ARB2A: variants seen among roughly 807,000 people sequenced by gnomAD.
The protein encoded by ARB2A is ARB2 cotranscriptional regulator A, also known as cotranscriptional regulator ARB2A.
the ARB2A span, among the ~76,000 whole-genome samples, chr5:93,850,004 C>G: frequency 1.3e-5 from 2 of 152,110 alleles, no homozygotes; most frequent in South Asian, 4.1e-4. Context: ...CCTGAGCAGT[C>G]GTTACAATTA....
chr5:93,854,437 T>C, the ARB2A span, among the ~76,000 whole-genome samples: 1 of 152,204 alleles, frequency 6.6e-6, no homozygotes, highest in African/African-American at 2.4e-5. Flanking sequence ...TTGAAGGGTT[T>C]TTTGTGTCTC....
chr5:93,894,424 G>T, the ARB2A span, among the ~76,000 whole-genome samples: 1 of 151,778 alleles, frequency 6.6e-6, no homozygotes, highest in Non-Finnish European at 1.5e-5. Flanking sequence ...AAAAAAGAGA[G>T]AATTGCCCAA....
At chr5:94,012,021 G>A in the ARB2A span, among the ~76,000 whole-genome samples, 2 of 149,844 alleles carry the variant, frequency 1.3e-5, no homozygotes, top group Non-Finnish European at 3.0e-5. Flanking sequence ...AGAGACTAGT[G>A]TGACATGACA....
the ARB2A span, among the ~76,000 whole-genome samples, chr5:93,684,169 G>A: frequency 6.6e-6 from 1 of 152,100 alleles, no homozygotes; most frequent in Non-Finnish European, 1.5e-5. Context: ...TAAATAAATG[G>A]GTAGCTGGAA....
the ARB2A span, among the ~76,000 whole-genome samples, chr5:93,824,962 T>C: frequency 6.6e-6 from 1 of 152,250 alleles, no homozygotes; most frequent in Non-Finnish European, 1.5e-5. Flanking sequence ...CCTTTGATCT[T>C]GACCAGTCAG....
At chr5:93,864,077 C>T in the ARB2A span, among the ~76,000 whole-genome samples, 1 of 152,068 alleles carries the variant, frequency 6.6e-6, no homozygotes, top group African/African-American at 2.4e-5. Flanking sequence ...AATAGTATCA[C>T]AAGCAATTAA....
the ARB2A span, among the ~76,000 whole-genome samples, chr5:94,080,777 T>A: frequency 6.6e-6 from 1 of 152,208 alleles, no homozygotes; most frequent in Non-Finnish European, 1.5e-5. Flanking sequence ...CAGGTCTCCA[T>A]GTAAATTCAA....
the ARB2A span, among the ~76,000 whole-genome samples, chr5:93,848,177 G>C: frequency 1.3e-5 from 2 of 152,140 alleles, no homozygotes; most frequent in Admixed American, 6.5e-5. Flanking sequence ...AAGGTCAAGA[G>C]ATTGAGACCA....
the ARB2A span, among the ~76,000 whole-genome samples, chr5:93,829,702 TA>T: frequency 6.6e-6 from 1 of 152,148 alleles, no homozygotes; most frequent in South Asian, 2.1e-4. Flanking sequence ...CATTTCTTAG[TA>T]ACATAAATAT....
At chr5:94,107,983 C>T in the ARB2A span, among the ~76,000 whole-genome samples, 1 of 152,250 alleles carries the variant, frequency 6.6e-6, no homozygotes, top group South Asian at 2.1e-4. Context: ...GTCCCCTCTC[C>T]TCTGCTGTCA....
At chr5:93,941,428 C>CA in the ARB2A span, among the ~76,000 whole-genome samples, 3 of 151,994 alleles carry the variant, frequency 2.0e-5, no homozygotes, top group East Asian at 3.9e-4. Context: ...CAGAGTGACT[C>CA]AAAAAAGAAC....
At chr5:93,817,807 A>T in the ARB2A span, among the ~76,000 whole-genome samples, 1 of 152,156 alleles carries the variant, frequency 6.6e-6, no homozygotes, top group African/African-American at 2.4e-5. Flanking sequence ...CACAATATAC[A>T]AAAACTAGCT....
At chr5:93,672,872 T>G in the ARB2A span, among the ~76,000 whole-genome samples, 2 of 152,190 alleles carry the variant, frequency 1.3e-5, no homozygotes, top group East Asian at 3.8e-4. Flanking sequence ...CTTTTAATCA[T>G]ATCACCAGAA....
the ARB2A span, among the ~76,000 whole-genome samples, chr5:93,646,105 T>C: frequency 1.3e-5 from 2 of 152,136 alleles, no homozygotes; most frequent in South Asian, 4.1e-4. Context: ...AAATAAGATA[T>C]ATCATTTTGT....
chr5:94,050,278 G>A, the ARB2A span, among the ~76,000 whole-genome samples: 5 of 136,792 alleles, frequency 3.7e-5, no homozygotes, highest in African/African-American at 5.6e-5. Flanking sequence ...TTTTTGAGAC[G>A]GAGTCTTGCT....
the ARB2A span, among the ~76,000 whole-genome samples, chr5:93,936,601 A>G: frequency 3.9e-5 from 6 of 152,350 alleles, no homozygotes; most frequent in African/African-American, 1.4e-4. Context: ...ACAAAAAAGT[A>G]TAATTGTTGA....
chr5:94,108,853 C>T, the ARB2A span, among the ~76,000 whole-genome samples: 7 of 151,542 alleles, frequency 4.6e-5, no homozygotes, highest in Admixed American at 1.3e-4. Flanking sequence ...GTCAATTCCT[C>T]GAAAAAAAGT....
the ARB2A span, among the ~76,000 whole-genome samples, chr5:93,908,657 T>C: frequency 6.6e-6 from 1 of 150,994 alleles, no homozygotes; most frequent in Non-Finnish European, 1.5e-5. Context: ...TCTATTCTAT[T>C]AGAATGTAAT....
the ARB2A span, chr5:93,862,325 T>C: frequency 2.0e-5 from 3 of 152,220 alleles, no homozygotes; most frequent in African/African-American, 7.2e-5. Context: ...TTAACCAGGT[T>C]TACCTGGACA....
Sources: allele counts gnomAD v4.1 joint callset (sites outside exome capture counted in the v4.1 genomes callset), GRCh38; gene constraint gnomAD v4.1.1; transcripts MANE v1.5; gene names NCBI Gene and HGNC (gene_info 2026-07-23, HGNC 2026-07-21).